The following AMER1 variants were observed in gnomAD, a reference collection of about 807,000 sequenced individuals.
The protein encoded by AMER1 is RP11-403E24.2.
Under a neutral mutation model 53.0 loss-of-function variants are expected in AMER1, and 16 were observed. The observed-to-expected ratio is 0.30, with a 90% CI of 0.20 to 0.46. The LOEUF (loss-of-function observed/expected upper bound fraction) is 0.46. AMER1 is among the 20% of genes least tolerant of loss of function. The probability of loss-of-function intolerance (pLI) is 1.00; values close to 1 mark genes in which losing one functional copy is unlikely to be tolerated. For missense variants in AMER1, 947 were observed against 884.9 expected, an observed-to-expected ratio of 1.07 and a Z score of -0.89; for synonymous variants, 354 against 331.9, an observed-to-expected ratio of 1.07 and a Z score of -0.73.
chrX:64,188,687 G>A lies in AMER1; in HGVS notation c.*1192C>T, dbSNP rs1387443278. 6.3e-6 allele frequency: 5 copies of A among 798,035 alleles called. No individual in the cohort carries two copies. Among genetic ancestry groups the A allele is most frequent in the African/African-American group, 4.4e-5 (2 of 45,131 alleles). 65.8% of individuals were successfully genotyped at this position (798,035 alleles called of 1,213,427 possible). A position where few individuals can be genotyped will look rare whatever the true frequency, so the allele number is the denominator to read the frequency against. ...CATTTTGTGTTGGGAGGCTTGAGAA[G>A]GGAGTTTTCCCTTTTAAGAAACTGA... On this transcript the variant is annotated 3_prime_UTR_variant, in exon 2 of 2. Coordinates refer to ENST00000374869, the MANE Select transcript of AMER1 (RefSeq NM_152424.4).
At chrX:64,201,028 G>A (rs770982912) in intron 1 of AMER1, among the ~76,000 whole-genome samples, 1 of 110,957 alleles carries the variant, frequency 9.0e-6, no homozygotes, top group East Asian at 2.8e-4. Flanking sequence ...AAAAACTGTA[G>A]GAGATGAAAG....
intron 1 of AMER1, among the ~76,000 whole-genome samples, chrX:64,204,135 G>T (rs2147095815): frequency 8.9e-6 from 1 of 112,768 alleles, no homozygotes; most frequent in East Asian, 2.8e-4. Flanking sequence ...GGTGCACCAT[G>T]GTGCAGTGAC....
rs2147091408 is a variant in AMER1 at position 64,193,214 on chromosome X, C to T, written c.73G>A (p.Ala25Thr). The T allele has an allele frequency of 8.3e-7, 1 of 1,211,773 alleles. No homozygotes were observed. Among genetic ancestry groups the T allele is most frequent in the Non-Finnish European group, 1.1e-6 (1 of 895,529 alleles). ...GCCTTGTTCTTGGCTCCTTTTTCTG[C>T]TGTTTGTTCACGGGTACTCCCAGAG... ...AASGSTREQT[A>T]EKGAKNKAAE... is the part of the protein sequence containing the mutation. The change falls in exon 2 of 2, where the codon GCA becomes ACA. Residue 25 changes from alanine (A) to threonine (T), a missense_variant. Transcript: ENST00000374869.
intron 1 of AMER1, among the ~76,000 whole-genome samples, chrX:64,194,806 A>T (rs762832371): frequency 4.5e-5 from 5 of 111,826 alleles, no homozygotes; most frequent in Non-Finnish European, 9.4e-5. Flanking sequence ...TGAGCATGGA[A>T]AGAGGCTGGC....
chrX:64,194,527 G>A (rs1930326774), intron 1 of AMER1, among the ~76,000 whole-genome samples: 1 of 111,686 alleles, frequency 9.0e-6, no homozygotes, highest in African/African-American at 3.3e-5. Flanking sequence ...CGCTAGCTCA[G>A]TGACCAGCCT....
At position 64,187,553 on chromosome X, in the gene AMER1, C is replaced by T. The variant is rs900013383; in HGVS notation, c.*2326G>A. Reference sequence around the variant, plus strand: ...AGGTTGGCCACCTCCTTTTTCTCTTCCCAGATAGGCTGGTGGCCCTTCTCC... The same window carrying T: ...AGGTTGGCCACCTCCTTTTTCTCTTTCCAGATAGGCTGGTGGCCCTTCTCC... On this transcript the variant is annotated 3_prime_UTR_variant, in exon 2 of 2. Coordinates refer to ENST00000374869, the MANE Select transcript of AMER1 (RefSeq NM_152424.4). 4 of 777,280 alleles carry T rather than the reference C, an allele frequency of 5.1e-6. No homozygotes were observed. The Admixed American group carries it at 3.3e-4, about 64-fold the overall frequency. 64.1% of individuals were successfully genotyped at this position (777,280 alleles called of 1,213,427 possible). A position where few individuals can be genotyped will look rare whatever the true frequency, so the allele number is the denominator to read the frequency against.
intron 1 of AMER1, among the ~76,000 whole-genome samples, chrX:64,196,605 A>T (rs921393429): frequency 7.2e-5 from 8 of 111,463 alleles, no homozygotes; most frequent in Non-Finnish European, 1.3e-4. Context: ...AGGGGATTTT[A>T]AAAAGGTGTG....
At position 64,187,816 on chromosome X, in the gene AMER1, A is replaced by G. The variant is rs1930138527; in HGVS notation, c.*2063T>C. ...TGGAATTTGGGCACTTCTCTCTTGGAATGCTGTGCTTGGGGTAAGGAGGGC... is the reference window on the plus strand; with the variant it reads ...TGGAATTTGGGCACTTCTCTCTTGGGATGCTGTGCTTGGGGTAAGGAGGGC... On this transcript the variant is annotated 3_prime_UTR_variant, in exon 2 of 2. Coordinates refer to ENST00000374869, the MANE Select transcript of AMER1 (RefSeq NM_152424.4). 1.3e-6 allele frequency: 1 copy of G among 775,430 alleles called. No individual in the cohort carries two copies. The allele number at this position is 775,430 out of a possible 1,213,427, so 63.9% of individuals were successfully genotyped here.
chrX:64,204,930 G>A (rs1465375951), intron 1 of AMER1, among the ~76,000 whole-genome samples: 1 of 113,323 alleles, frequency 8.8e-6, no homozygotes, highest in Admixed American at 9.2e-5. Flanking sequence ...CAAGGCCAAG[G>A]TTCTGAAGGG....
intron 1 of AMER1, among the ~76,000 whole-genome samples, chrX:64,195,633 G>T (rs1010953702): frequency 5.4e-5 from 6 of 112,037 alleles, no homozygotes; most frequent in African/African-American, 1.9e-4. Flanking sequence ...GATCTAGGGT[G>T]CACTCTCCTT....
rs778243059 is a variant in AMER1, at chrX:64,191,059, C to A, written c.2228G>T (p.Arg743Met). The part of the protein sequence containing the change: ...QEANFGGSPR[R>M]AYPTYSPPED... ...AGGGGGTGAATAAGTAGGGTAGGCC[C>A]TCCTGGGAGATCCTCCAAAATTTGC... The change falls in exon 2 of 2, where the codon AGG becomes ATG. Residue 743 changes from arginine to methionine, a missense_variant. Arg to Met is a moderately conservative substitution (Grantham distance 91). Transcript: ENST00000374869. 8.3e-7 allele frequency: 1 copy of A among 1,211,967 alleles called. No homozygotes were observed. The highest frequency in any genetic ancestry group is 1.1e-6 in the Non-Finnish European group (1 of 895,567).
In AMER1 at chrX:64,189,683, T is replaced by A. The variant is rs762045374; in HGVS notation, c.*196A>T. On this transcript the variant is annotated 3_prime_UTR_variant, in exon 2 of 2. Coordinates refer to ENST00000374869, the MANE Select transcript of AMER1 (RefSeq NM_152424.4). ...AGCAGCAGCAGCCTCCCTGGGCAGA[T>A]GCACTTGAGTTGAACGTGGCCATAG... 2.8e-6 allele frequency: 3 copies of A among 1,075,745 alleles called. No homozygotes were observed. The highest frequency in any genetic ancestry group is 2.0e-5 in the African/African-American group (1 of 51,049). 88.7% of individuals were successfully genotyped at this position (1,075,745 alleles called of 1,213,427 possible).
In AMER1 at chrX:64,185,795, C is replaced by A; in HGVS notation, c.*4084G>T. 1 of 219,580 alleles carries A rather than the reference C, an allele frequency of 4.6e-6. No individual in the cohort carries two copies. The allele number at this position is 219,580 out of a possible 1,213,427, so 18.1% of individuals were successfully genotyped here. Reference sequence around the variant, plus strand: ...AACTGAGCTCCTAGGAAGTCCTATGCAAGGGTTTCCTCAACGAGATGGTAA... The same window carrying A: ...AACTGAGCTCCTAGGAAGTCCTATGAAAGGGTTTCCTCAACGAGATGGTAA... On this transcript the variant is annotated 3_prime_UTR_variant, in exon 2 of 2. Coordinates refer to ENST00000374869, the MANE Select transcript of AMER1 (RefSeq NM_152424.4).
intron 1 of AMER1, among the ~76,000 whole-genome samples, chrX:64,193,675 G>A (rs1299677022): frequency 8.9e-6 from 1 of 111,946 alleles, no homozygotes; most frequent in Non-Finnish European, 1.9e-5. Flanking sequence ...TGGGCAGGGG[G>A]ACCTGCAGTT....
rs887250798 is a variant in AMER1 at position 64,187,999 on chromosome X, C to T, written c.*1880G>A. The T allele has an allele frequency of 2.6e-6, 2 of 781,360 alleles. No homozygotes were observed. The highest frequency in any genetic ancestry group is 3.1e-6 in the Non-Finnish European group (2 of 655,318). The allele number at this position is 781,360 out of a possible 1,213,427, so 64.4% of individuals were successfully genotyped here. ...GGTGCTTCCAGGGGTGCAGCTTCTA[C>T]CAGCCAGGTCTGCTATTTGTGAGTA... On this transcript the variant is annotated 3_prime_UTR_variant, in exon 2 of 2. Coordinates refer to ENST00000374869, the MANE Select transcript of AMER1 (RefSeq NM_152424.4).
Position 64,186,428 on chromosome X carries a change from G to GATATATAT in AMER1, c.*3443_*3450dup, listed in dbSNP as rs756051704. ...ATATAAAAATAGATAATTGACTTTT[G>GATATATAT]ATATATATATATATATATATTAAAA... On this transcript the variant is annotated 3_prime_UTR_variant, in exon 2 of 2. Transcript: ENST00000374869. The GATATATAT allele has an allele frequency of 2.8e-5, 18 of 632,195 alleles. No individual in the cohort carries two copies. Among genetic ancestry groups the GATATATAT allele is most frequent in the Non-Finnish European group, 3.5e-5 (18 of 518,073 alleles). 52.1% of individuals were successfully genotyped at this position (632,195 alleles called of 1,213,427 possible). A position where few individuals can be genotyped will look rare whatever the true frequency, so the allele number is the denominator to read the frequency against.
chrX:64,191,737 T>C lies in AMER1; in HGVS notation c.1550A>G (p.Asn517Ser), dbSNP rs757398465. 2.5e-6 allele frequency: 3 copies of C among 1,209,570 alleles called. No homozygotes were observed. Among genetic ancestry groups the C allele is most frequent in the East Asian group, 5.9e-5 (2 of 33,755 alleles). ...AAGGCAGTCATCTCCAGGTGGAGAG[T>C]TCTCAAGGCTGTCATCTGGCTCATA... is the stretch of plus-strand genomic sequence containing the variant. ...EFYEPDDSLE[N>S]SPPGDDCLYD... Residue 517 changes from asparagine to serine, a missense_variant, in exon 2 of 2, where the codon AAC becomes AGC. Transcript: ENST00000374869.
At position 64,193,048 on chromosome X, in the gene AMER1, C is replaced by G. The variant is rs762853892; in HGVS notation, c.239G>C (p.Gly80Ala). The change falls in exon 2 of 2, where the codon GGT becomes GCT. Residue 80 changes from glycine (G) to alanine (A), a missense_variant. Physicochemically the swap from Gly to Ala is moderately conservative, Grantham distance 60. Coordinates refer to ENST00000374869, the MANE Select transcript of AMER1 (RefSeq NM_152424.4). ...PSFFGGGRSK[G>A]SGKGSSKKGL... ...TTTCTTGGAGCTGCCTTTCCCAGAA[C>G]CTTTGCTCCGTCCCCCTCCAAAGAA... The G allele has an allele frequency of 1.2e-5, 14 of 1,210,104 alleles. No homozygotes were observed. The highest frequency in any genetic ancestry group is 1.6e-5 in the Non-Finnish European group (14 of 895,286).
At position 64,187,225 on chromosome X, in the gene AMER1, G is replaced by A. The variant is rs768301381; in HGVS notation, c.*2654C>T. On this transcript the variant is annotated 3_prime_UTR_variant, in exon 2 of 2. Transcript: ENST00000374869. ...TTCCTTCCTCCCCTAGGCTGCCATT[G>A]GGTTTCAGCCACAAACTGCTTAGCT... The A allele has an allele frequency of 1.3e-6, 1 of 785,710 alleles. No homozygotes were observed. Among genetic ancestry groups the A allele is most frequent in the African/African-American group, 2.2e-5 (1 of 44,624 alleles). 64.8% of individuals were successfully genotyped at this position (785,710 alleles called of 1,213,427 possible).
Sources: allele counts gnomAD v4.1 joint callset (sites outside exome capture counted in the v4.1 genomes callset), GRCh38; gene constraint gnomAD v4.1.1; transcripts MANE v1.5; gene names NCBI Gene and HGNC (gene_info 2026-07-23, HGNC 2026-07-21).